GBE1: variants seen among roughly 807,000 people sequenced by gnomAD.
GBE1 encodes the protein 1,4-alpha-glucan-branching enzyme.
GBE1 carries 70 observed loss-of-function variants against 88.8 expected under a neutral mutation model. The observed-to-expected ratio is 0.79, with a 90% CI of 0.65 to 0.96. GBE1 has a LOEUF of 0.96. Among genes scored for constraint, GBE1 ranks in the 40% least tolerant of loss-of-function variants. The probability of loss-of-function intolerance (pLI) is 0.00; values close to 1 mark genes in which losing one functional copy is unlikely to be tolerated. For synonymous variants in GBE1, 284 were observed against 300.1 expected (o/e 0.95, Z 0.56); for missense variants, 872 against 871.0 (o/e 1.00, Z -0.01).
chr3:81,565,358 C>T (rs546626750), intron 12 of GBE1, among the ~76,000 whole-genome samples: 11 of 152,106 alleles, frequency 7.2e-5, no homozygotes, highest in Non-Finnish European at 1.5e-4. Flanking sequence ...TTAATTCCAG[C>T]GCTTAGCAGG....
intron 1 of GBE1, among the ~76,000 whole-genome samples, chr3:81,721,936 C>G (rs889200719): frequency 1.3e-5 from 2 of 151,988 alleles, no homozygotes; most frequent in African/African-American, 4.8e-5. Flanking sequence ...AATGAGGAAC[C>G]CAAGAATCAG....
chr3:81,751,070 G>A (rs1023557158), intron 1 of GBE1, among the ~76,000 whole-genome samples: 13 of 151,992 alleles, frequency 8.6e-5, no homozygotes, highest in African/African-American at 3.1e-4. Flanking sequence ...ATCACCTTAA[G>A]ACAGAGCAGT....
intron 1 of GBE1, among the ~76,000 whole-genome samples, chr3:81,747,605 T>C (rs546740297): frequency 1.2e-4 from 19 of 152,310 alleles, no homozygotes; most frequent in South Asian, 4.1e-4. Context: ...GACTTGCACG[T>C]ATACGCCCAG....
intron 7 of GBE1, among the ~76,000 whole-genome samples, chr3:81,620,370 G>C (rs1704309825): frequency 1.3e-5 from 2 of 151,916 alleles, no homozygotes; most frequent in Non-Finnish European, 2.9e-5. Context: ...TTTTAGTAGA[G>C]ATGGGGTTTC....
intron 7 of GBE1, among the ~76,000 whole-genome samples, chr3:81,629,655 C>T (rs1704477182): frequency 6.6e-6 from 1 of 152,056 alleles, no homozygotes; most frequent in South Asian, 2.1e-4. Context: ...GGCTACTGAG[C>T]CCTGGAAACC....
At chr3:81,611,339 T>A (rs1041557613) in intron 7 of GBE1, among the ~76,000 whole-genome samples, 1 of 152,132 alleles carries the variant, frequency 6.6e-6, no homozygotes, top group African/African-American at 2.4e-5. Context: ...AAGAGGGATA[T>A]AGACAAATTC....
intron 7 of GBE1, among the ~76,000 whole-genome samples, chr3:81,619,806 C>A (rs972770791): frequency 7.9e-5 from 12 of 152,010 alleles, no homozygotes; most frequent in Non-Finnish European, 1.5e-5. Flanking sequence ...TGGCTTTTCA[C>A]ATTTATTTTG....
intron 1 of GBE1, among the ~76,000 whole-genome samples, chr3:81,757,355 G>A (rs140908832): frequency 1.8e-4 from 27 of 152,310 alleles, no homozygotes; most frequent in Middle Eastern, 6.8e-3. Context: ...GGTTGAAAGG[G>A]TTTAAGCAGA....
intron 14 of GBE1, among the ~76,000 whole-genome samples, chr3:81,533,479 G>T (rs1168425094): frequency 1.3e-5 from 2 of 152,014 alleles, no homozygotes; most frequent in East Asian, 3.9e-4. Flanking sequence ...TGATTGGCTG[G>T]GTGGGAAGAA....
At chr3:81,533,350 T>A (rs907317237) in intron 14 of GBE1, among the ~76,000 whole-genome samples, 1 of 152,080 alleles carries the variant, frequency 6.6e-6, no homozygotes, top group African/African-American at 2.4e-5. Flanking sequence ...CATTGATTTA[T>A]CTGTAGGCAT....
At position 81,571,498 on chromosome 3, in the gene GBE1, T is replaced by A. The variant is rs188180732; in HGVS notation, c.1618+6427A>T. On this transcript the variant is annotated intron_variant, in intron 12 of 15. Coordinates refer to ENST00000429644, the MANE Select transcript of GBE1 (RefSeq NM_000158.4). ...TAAGTCTGCTAGTTCAGTATTTTTT[T>A]AAATGAGAAATGTGAATCATTTATG... 2.4e-3 allele frequency among the ~76,000 whole-genome samples: 358 copies of A among 152,312 alleles called. 2 individuals are homozygous for A. Among genetic ancestry groups the A allele is most frequent in the African/African-American group, 8.2e-3 (342 of 41,576 alleles).
At chr3:81,618,446 T>C (rs75222733) in intron 7 of GBE1, among the ~76,000 whole-genome samples, 2,224 of 152,134 alleles carry the variant, frequency 0.015, 33 homozygotes, top group African/African-American at 0.036. Context: ...AGAGAAGTGA[T>C]CCCTAGTTGA....
At chr3:81,564,105 C>T (rs187656778) in intron 12 of GBE1, among the ~76,000 whole-genome samples, 8 of 152,184 alleles carry the variant, frequency 5.3e-5, no homozygotes, top group African/African-American at 1.7e-4. Context: ...TCTTACATCA[C>T]GAATGGAACT....
intron 1 of GBE1, among the ~76,000 whole-genome samples, chr3:81,737,243 T>TTA (rs199884237): frequency 2.8e-5 from 4 of 144,426 alleles, no homozygotes; most frequent in Non-Finnish European, 4.5e-5. Flanking sequence ...AAATGAATAT[T>TTA]TATATATATA....
intron 1 of GBE1, among the ~76,000 whole-genome samples, chr3:81,721,214 AATAAAT>A (rs1706024658): frequency 3.9e-5 from 4 of 102,476 alleles, no homozygotes; most frequent in Admixed American, 9.8e-5. Context: ...AAAATAAATA[AATAAAT>A]AAATAAATAA....
chr3:81,578,174 G>A, intron 11 of GBE1, 78 bp from the exon 12 acceptor site: 1 of 976,444 alleles, frequency 1.0e-6, no homozygotes, highest in East Asian at 2.8e-5. Context: ...AACAATGCAT[G>A]GTTACAAATG....
chr3:81,665,086 T>C (rs181392922), intron 3 of GBE1, among the ~76,000 whole-genome samples: 38 of 152,324 alleles, frequency 2.5e-4, no homozygotes, highest in Admixed American at 1.2e-3. Context: ...CATTTATATA[T>C]ACACACATAT....
chr3:81,525,343 G>A (rs1245069209), intron 14 of GBE1, among the ~76,000 whole-genome samples: 2 of 151,974 alleles, frequency 1.3e-5, no homozygotes, highest in Non-Finnish European at 2.9e-5. Flanking sequence ...TTAGTGATTT[G>A]CATATGTTGA....
chr3:81,578,799 A>C (rs921999004), intron 11 of GBE1, among the ~76,000 whole-genome samples: 6 of 152,170 alleles, frequency 3.9e-5, no homozygotes, highest in African/African-American at 1.2e-4. Flanking sequence ...TGCAGTGTTC[A>C]TCATGGACAA....
Sources: allele counts gnomAD v4.1 joint callset (sites outside exome capture counted in the v4.1 genomes callset), GRCh38; gene constraint gnomAD v4.1.1; transcripts MANE v1.5; gene names NCBI Gene and HGNC (gene_info 2026-07-23, HGNC 2026-07-21).